Variants in FANCA observed in about 807,000 individuals in gnomAD.
FANCA encodes FA complementation group A, also known as Fanconi anemia group A protein.
FANCA carries 236 observed loss-of-function variants against 194.3 expected under a neutral mutation model. The ratio of observed to expected loss-of-function variants is 1.21; its 90% CI spans 1.09 to 1.35. The LOEUF is 1.35. Ranked by LOEUF, FANCA falls within the 40% of genes most tolerant of loss-of-function variation. The pLI, the probability that FANCA is intolerant of heterozygous loss-of-function variation, is 0.00. For missense variants in FANCA, 2,628 were observed against 1,813.9 expected, an observed-to-expected ratio of 1.45 and a Z score of -8.15; for synonymous variants, 1,014 against 715.8, an observed-to-expected ratio of 1.42 and a Z score of -6.65.
chr16:89,787,391 C>T (rs1255225595), intron 14 of FANCA, among the ~76,000 whole-genome samples: 1 of 152,128 alleles, frequency 6.6e-6, no homozygotes, highest in Non-Finnish European at 1.5e-5. Flanking sequence ...TGTGTGGTGG[C>T]AGGCGCCTGT....
intron 29 of FANCA, among the ~76,000 whole-genome samples, chr16:89,760,339 G>A (rs1216454275): frequency 6.6e-6 from 1 of 152,212 alleles, no homozygotes; most frequent in African/African-American, 2.4e-5. Flanking sequence ...TGGCCCCTAT[G>A]TTTTCCTTTT....
intron 10 of FANCA, chr16:89,798,328 C>A: frequency 1.9e-6 from 2 of 1,026,122 alleles, no homozygotes; most frequent in Non-Finnish European, 2.3e-6. Context: ...TACAGCAGCC[C>A]AAGCTAACTG....
intron 41 of FANCA, 41 bp from the exon 42 acceptor site, chr16:89,739,015 C>T: frequency 1.2e-6 from 2 of 1,614,134 alleles, no homozygotes; most frequent in South Asian, 2.2e-5. Context: ...AGAAGACATA[C>T]AGAAACAGGG....
At chr16:89,749,608 G>C in intron 32 of FANCA, 122 bp downstream of exon 32, 7 of 1,234,476 alleles carry the variant, frequency 5.7e-6, no homozygotes, top group Non-Finnish European at 8.1e-6. Flanking sequence ...CAGGCTTGGG[G>C]TGGGGACACA....
chr16:89,808,236 A>G, intron 6 of FANCA, 58 bp downstream of exon 6: 1 of 1,531,840 alleles, frequency 6.5e-7, no homozygotes, highest in Non-Finnish European at 9.1e-7. Flanking sequence ...TTTGAAATAT[A>G]ATTTATACTA....
rs17227184 is a variant in FANCA at position 89,746,980 on chromosome 16, G to A, written c.3349-90C>T. 602 of 1,239,196 alleles carry A rather than the reference G, an allele frequency of 4.9e-4. 3 individuals carry two copies. In the African/African-American group the frequency reaches 8.6e-3, roughly 18 times the overall value. The allele number at this position is 1,239,196 out of a possible 1,614,324, so 76.8% of individuals were successfully genotyped here. On this transcript the variant is annotated intron_variant, in intron 33 of 42. Coordinates refer to ENST00000389301, the MANE Select transcript of FANCA (RefSeq NM_000135.4). ...GTGGCTGCTGTGGATTCAGTTTTGA[G>A]AAAAACACTCGCTAAGGCTTGGCGT...
intron 26 of FANCA, among the ~76,000 whole-genome samples, 156 bp from the exon 27 acceptor site, chr16:89,767,393 A>T (rs1017655683): frequency 6.6e-5 from 10 of 152,236 alleles, no homozygotes; most frequent in African/African-American, 2.4e-4. Flanking sequence ...GTTGTGAGAC[A>T]GTCTTGCTCT....
At chr16:89,769,265 G>A (rs1434011598) in intron 26 of FANCA, among the ~76,000 whole-genome samples, 1 of 152,230 alleles carries the variant, frequency 6.6e-6, no homozygotes, top group Non-Finnish European at 1.5e-5. Context: ...GAGTCTCCCA[G>A]CCCTCTGTCC....
In FANCA at chr16:89,776,546, G is replaced by A. The variant is rs1263268651; in HGVS notation, c.1827-731C>T. Among the ~76,000 whole-genome samples the A allele has an allele frequency of 2.6e-5, 4 of 151,866 alleles. No individual in the cohort carries two copies. The East Asian group carries it at 7.8e-4, about 29-fold the overall frequency. On this transcript the variant is annotated intron_variant, in intron 20 of 42. Transcript: ENST00000389301. Reference sequence around the variant, plus strand: ...GTGTCATTAAAAATATGCAAAATTGGGCCAGGCGCGGTGGATCCCGCCTGT... The same window carrying A: ...GTGTCATTAAAAATATGCAAAATTGAGCCAGGCGCGGTGGATCCCGCCTGT...
intron 23 of FANCA, among the ~76,000 whole-genome samples, chr16:89,770,835 G>A (rs1180409613): frequency 6.6e-6 from 1 of 152,138 alleles, no homozygotes; most frequent in Admixed American, 6.5e-5. Context: ...CAGCCCTCAA[G>A]TAATCGCCAA....
At position 89,778,928 on chromosome 16, in the gene FANCA, G is replaced by A. The variant is rs376346254; in HGVS notation, c.1776+15C>T. ...CTACACAACTGGTCACAAACTCATGGAGACGCATACTGACCACTCGAGGTG... is the reference window on the plus strand; with the variant it reads ...CTACACAACTGGTCACAAACTCATGAAGACGCATACTGACCACTCGAGGTG... On this transcript the variant is annotated intron_variant, in intron 19 of 42. Coordinates refer to ENST00000389301, the MANE Select transcript of FANCA (RefSeq NM_000135.4). 5.0e-6 allele frequency: 8 copies of A among 1,614,046 alleles called. 1 individual carries two copies. In the East Asian group the frequency reaches 1.8e-4, roughly 36 times the overall value.
intron 30 of FANCA, among the ~76,000 whole-genome samples, chr16:89,757,334 G>T (rs1055494731): frequency 2.0e-5 from 3 of 152,116 alleles, no homozygotes; most frequent in Non-Finnish European, 4.4e-5. Context: ...GGCATTCTTG[G>T]AGTAGGGTTA....
Position 89,764,961 on chromosome 16 carries a change from A to C in FANCA, c.2707T>G (p.Trp903Gly). ...CAGAGAGAGAGGGCAGCTCTCTGCC[A>C]GTCTGCAGAAGGAAGGTGCAAGGGT... ...WRPLHLPSAD[W>G]QRAALSLWTH... Residue 903 changes from tryptophan (W) to glycine (G), a missense_variant, in exon 28 of 43, where the codon TGG becomes GGG. Transcript: ENST00000389301. The C allele has an allele frequency of 1.9e-6, 3 of 1,614,198 alleles. No individual in the cohort carries two copies. The East Asian group carries it at 6.7e-5, about 36-fold the overall frequency.
chr16:89,778,069 G>A (rs1218383542), intron 20 of FANCA, among the ~76,000 whole-genome samples: 2 of 150,610 alleles, frequency 1.3e-5, no homozygotes, highest in African/African-American at 4.9e-5. Flanking sequence ...GGCTGAGGCA[G>A]GAGAATTCCT....
intron 28 of FANCA, among the ~76,000 whole-genome samples, chr16:89,764,261 C>T (rs189947280): frequency 2.0e-5 from 3 of 152,074 alleles, no homozygotes; most frequent in African/African-American, 4.8e-5. Flanking sequence ...AAAAGAAGTT[C>T]GTGTTGGGAG....
In FANCA at chr16:89,764,437, C is replaced by G. The variant is rs13337941; in HGVS notation, c.2778+453G>C. Among the ~76,000 whole-genome samples the G allele has an allele frequency of 1.8e-3, 275 of 152,188 alleles. 1 individual carries two copies. The highest frequency in any genetic ancestry group is 6.3e-3 in the African/African-American group (262 of 41,530). On this transcript the variant is annotated intron_variant, in intron 28 of 42. Transcript: ENST00000389301. Reference sequence around the variant, plus strand: ...TCTCTTGCCTCAGCCTCCCAAGTAGCTGGAACCAAAGGTGCACACAACTGT... The same window carrying G: ...TCTCTTGCCTCAGCCTCCCAAGTAGGTGGAACCAAAGGTGCACACAACTGT...
At chr16:89,752,253 A>G (rs763645796) in intron 30 of FANCA, 31 bp from the exon 31 acceptor site, 2 of 1,575,712 alleles carry the variant, frequency 1.3e-6, no homozygotes, top group South Asian at 2.2e-5. Flanking sequence ...AATCCTCCTC[A>G]GTATCGCCTA....
rs565640617 is a variant in FANCA, at chr16:89,750,399, C to T, written c.3067-497G>A. The stretch of plus-strand genomic sequence containing the variant: ...TCAGGCGGCTGAGGCAGGAGAATGG[C>T]GTGAACCCGGGAGGTGGAGCTTGCA... On this transcript the variant is annotated intron_variant, in intron 31 of 42. Coordinates refer to ENST00000389301, the MANE Select transcript of FANCA (RefSeq NM_000135.4). Among the ~76,000 whole-genome samples, 406 of 151,712 alleles carry T rather than the reference C, an allele frequency of 2.7e-3. 1 individual carries two copies. The highest frequency in any genetic ancestry group is 9.3e-3 in the African/African-American group (384 of 41,284).
intron 34 of FANCA, 54 bp from the exon 35 acceptor site, chr16:89,746,742 T>C (rs1487094836): frequency 1.3e-5 from 21 of 1,600,024 alleles, no homozygotes; most frequent in Admixed American, 1.7e-5. Flanking sequence ...CCACAACTAG[T>C]AGAGTGAAGG....
Sources: gnomAD v4.1 joint callset for allele counts (sites outside exome capture counted in the v4.1 genomes callset) on GRCh38, gnomAD v4.1.1 for gene constraint, MANE v1.5 for transcripts, NCBI Gene and HGNC (gene_info 2026-07-23, HGNC 2026-07-21) for gene names.